Variants in TSKS observed in about 807,000 individuals in gnomAD.
The protein encoded by TSKS is testis specific serine kinase substrate.
In TSKS, 27 loss-of-function variants were observed where a neutral mutation model predicts 68.0. The observed-to-expected ratio is 0.40, with a 90% CI of 0.29 to 0.55. The LOEUF is 0.55. TSKS is among the 20% of genes least tolerant of loss of function. TSKS has a pLI of 0.53. For missense variants in TSKS, 806 were observed against 776.0 expected (o/e 1.04, Z -0.46); for synonymous variants, 331 against 340.4 (o/e 0.97, Z 0.30).
intron 2 of TSKS, among the ~76,000 whole-genome samples, chr19:49,755,196 C>T (rs750346729): frequency 2.0e-5 from 3 of 152,092 alleles, no homozygotes; most frequent in Non-Finnish European, 4.4e-5. Context: ...TTGAACATAG[C>T]TCAACTTTGA....
chr19:49,744,024 G>C (rs1344500258), intron 8 of TSKS, among the ~76,000 whole-genome samples: 1 of 152,166 alleles, frequency 6.6e-6, no homozygotes, highest in Non-Finnish European at 1.5e-5. Context: ...AGTTTCTCTT[G>C]AGTTCCACAA....
chr19:49,746,482 A>C lies in TSKS; in HGVS notation c.980T>G (p.Ile327Ser). ...AGGTCCCGCCCACCTCAGCTCTTCG[A>C]TGCCGGTGAACAGCTTCTGCAATTC... ...EQELQKLFTG[I>S]EELRREVSSL... Residue 327 changes from isoleucine (I) to serine (S), a missense_variant, in exon 6 of 11, where the codon ATC (isoleucine) becomes AGC (serine). By Grantham distance (142) the Ile-to-Ser change is moderately radical. Transcript: ENST00000246801. 1 of 1,613,890 alleles carries C rather than the reference A, an allele frequency of 6.2e-7. No individual in the cohort carries two copies.
intron 2 of TSKS, among the ~76,000 whole-genome samples, chr19:49,758,577 G>A (rs974825005): frequency 1.3e-5 from 2 of 152,134 alleles, no homozygotes; most frequent in Non-Finnish European, 2.9e-5. Flanking sequence ...TTCTGTCTGA[G>A]GGAGGAGATG....
intron 4 of TSKS, 121 bp from the exon 5 acceptor site, chr19:49,747,593 A>G: frequency 1.0e-6 from 1 of 954,712 alleles, no homozygotes; most frequent in Non-Finnish European, 1.6e-6. Context: ...AGACACACTC[A>G]CCAGCTCATT....
At chr19:49,762,253 G>T (rs749905733) in intron 1 of TSKS, 21 bp from the exon 2 acceptor site, 1 of 1,601,250 alleles carries the variant, frequency 6.2e-7, no homozygotes, top group South Asian at 1.1e-5. Context: ...GAAACAGGCA[G>T]AAAAGTGGAG....
chr19:49,744,647 A>G (rs2084281041), intron 7 of TSKS, among the ~76,000 whole-genome samples: 1 of 152,022 alleles, frequency 6.6e-6, no homozygotes, highest in African/African-American at 2.4e-5. Flanking sequence ...CAGCAGCACC[A>G]TCATAGCTCT....
At position 49,739,939 on chromosome 19, in the gene TSKS, T is replaced by C. The variant is rs370586049; in HGVS notation, c.1623-7A>G. The C allele has an allele frequency of 3.1e-6, 5 of 1,609,940 alleles. No homozygotes were observed. The East Asian group carries it at 8.9e-5, about 29-fold the overall frequency. On this transcript the variant is annotated splice_region_variant and splice_polypyrimidine_tract_variant and intron_variant, in intron 10 of 10. Coordinates refer to ENST00000246801, the MANE Select transcript of TSKS (RefSeq NM_021733.2). ...CAGAGTGGCCATCTTCTCCCTGTCA[T>C]GAGGCAGCGGGGAGTTGATGGCGGC...
rs148077032 is a variant in TSKS at position 49,762,173 on chromosome 19, G to A, written c.230C>T (p.Ser77Leu). Reference protein sequence around the residue: ...MHWCLNLKRSSACTNVSLLNL... With the variant: ...MHWCLNLKRSLACTNVSLLNL... ...GAGCAGTGACACGTTGGTGCAGGCCGAGGACCGTTTGAGGTTCAGGCACCA... is the reference window on the plus strand; with the variant it reads ...GAGCAGTGACACGTTGGTGCAGGCCAAGGACCGTTTGAGGTTCAGGCACCA... Residue 77 changes from serine (S) to leucine (L), a missense_variant, in exon 2 of 11, where the codon TCG (serine) becomes TTG (leucine). Physicochemically the swap from Ser to Leu is moderately radical, Grantham distance 145. Transcript: ENST00000246801. 799 of 1,614,124 alleles carry A rather than the reference G, an allele frequency of 5.0e-4. 2 individuals are homozygous for A. The highest frequency in any genetic ancestry group is 8.3e-4 in the Middle Eastern group (5 of 6,056).
chr19:49,745,912 G>T (rs1357979228), intron 6 of TSKS, among the ~76,000 whole-genome samples: 6 of 152,134 alleles, frequency 3.9e-5, no homozygotes, highest in Non-Finnish European at 7.4e-5. Flanking sequence ...GGCCGGGCGC[G>T]GTGGCTCACG....
chr19:49,752,559 A>G (rs1257858557), intron 2 of TSKS, among the ~76,000 whole-genome samples: 2 of 152,212 alleles, frequency 1.3e-5, no homozygotes, highest in East Asian at 3.9e-4. Flanking sequence ...TTTTATTTAT[A>G]CCCAGCCTTG....
chr19:49,763,171 T>C lies in TSKS; in HGVS notation c.77A>G (p.Glu26Gly). 6.2e-7 allele frequency: 1 copy of C among 1,604,928 alleles called. No individual in the cohort carries two copies. Among genetic ancestry groups the C allele is most frequent in the Non-Finnish European group, 8.5e-7 (1 of 1,175,542 alleles). Residue 26 changes from glutamate (E) to glycine (G), a missense_variant, in exon 1 of 11, where the codon GAG (glutamate) becomes GGG (glycine). Glu to Gly is a moderately conservative substitution (Grantham distance 98, BLOSUM62 -2). Coordinates refer to ENST00000246801, the MANE Select transcript of TSKS (RefSeq NM_021733.2). The surrounding 1 kb of genome is among the most constrained non-coding windows in gnomAD (Gnocchi z 4.5). ...HEAGDTPTGV[E>G]SCSQLVPEAP... ...CTCTGGGACTAGCTGGGAGCAGCTC[T>C]CCACCCCCGTGGGGGTGTCCCCGGC... is the stretch of plus-strand genomic sequence containing the variant.
chr19:49,762,852 T>A (rs964627100), intron 1 of TSKS, among the ~76,000 whole-genome samples: 1 of 151,858 alleles, frequency 6.6e-6, no homozygotes, highest in Admixed American at 6.6e-5. Flanking sequence ...CTTTTTCCTC[T>A]CTCCATCCAT....
In TSKS at chr19:49,748,435, T is replaced by G; in HGVS notation, c.434A>C (p.Asp145Ala). The G allele has an allele frequency of 6.2e-7, 1 of 1,614,084 alleles. No individual in the cohort carries two copies. The highest frequency in any genetic ancestry group is 1.1e-5 in the South Asian group (1 of 91,082). The change falls in exon 3 of 11, where the codon GAC becomes GCC. Residue 145 changes from aspartate to alanine, a missense_variant. Transcript: ENST00000246801. ...GVNSGLVRAK[D>A]SITSLKEKTN... ...CTTTTCCTTCAAGCTGGTGATGGAG[T>G]CTTTGGCGCGGACCAATCCACTGTT...
chr19:49,744,842 G>A (rs1568561026), intron 7 of TSKS, among the ~76,000 whole-genome samples: 1 of 152,220 alleles, frequency 6.6e-6, no homozygotes, highest in East Asian at 1.9e-4. Flanking sequence ...CGCCCACGTC[G>A]GCCTCCCAAT....
At chr19:49,745,591 G>A (rs2084291784) in intron 6 of TSKS, among the ~76,000 whole-genome samples, 195 bp from the exon 7 acceptor site, 1 of 151,934 alleles carries the variant, frequency 6.6e-6, no homozygotes, top group Non-Finnish European at 1.5e-5. Flanking sequence ...CCAGAGCCCC[G>A]CCTTTATCCC....
intron 2 of TSKS, among the ~76,000 whole-genome samples, chr19:49,760,190 T>G (rs1275834546): frequency 6.6e-6 from 1 of 151,430 alleles, no homozygotes; most frequent in Admixed American, 6.6e-5. Context: ...TTAAAAAGAA[T>G]AAATGTGGCT....
intron 1 of TSKS, 144 bp downstream of exon 1, chr19:49,762,934 T>C: frequency 1.0e-6 from 1 of 980,848 alleles, no homozygotes; most frequent in East Asian, 2.9e-5. Context: ...TGACTTGATG[T>C]CTCTTCACTG....
intron 2 of TSKS, among the ~76,000 whole-genome samples, chr19:49,760,112 C>G (rs2084428340): frequency 6.6e-6 from 1 of 151,814 alleles, no homozygotes; most frequent in Non-Finnish European, 1.5e-5. Flanking sequence ...GATCGCACCA[C>G]TGTACTCCAG....
chr19:49,762,410 C>CT (rs1307195682), intron 1 of TSKS, among the ~76,000 whole-genome samples, 178 bp from the exon 2 acceptor site: 3 of 146,900 alleles, frequency 2.0e-5, no homozygotes, highest in East Asian at 4.0e-4. Context: ...TACTTTCTTT[C>CT]TTTTTTCTTT....
Sources: allele counts gnomAD v4.1 joint callset (sites outside exome capture counted in the v4.1 genomes callset), GRCh38; gene constraint gnomAD v4.1.1; non-coding constraint Gnocchi (gnomAD v3.1); transcripts MANE v1.5; gene names NCBI Gene and HGNC (gene_info 2026-07-23, HGNC 2026-07-21).